CTDSPL: variants seen among roughly 807,000 people sequenced by gnomAD.
The protein encoded by CTDSPL is CTD small phosphatase-like protein.
In CTDSPL, 8 loss-of-function variants were observed where a neutral mutation model predicts 30.5. That is an observed-to-expected ratio of 0.26 (90% CI 0.15 to 0.47). CTDSPL has a LOEUF of 0.47. Ranked by LOEUF, CTDSPL falls within the 20% of genes least tolerant of loss-of-function variation. The pLI, the probability that CTDSPL is intolerant of heterozygous loss-of-function variation, is 0.99. For missense variants in CTDSPL, 248 were observed against 366.1 expected (o/e 0.68, Z 2.63); for synonymous variants, 110 against 137.9 (o/e 0.80, Z 1.42).
In CTDSPL at chr3:37,945,358, C is replaced by T; in HGVS notation, c.80-1699C>T. On this transcript the variant is annotated intron_variant, in intron 1 of 7. Coordinates refer to ENST00000273179, the MANE Select transcript of CTDSPL (RefSeq NM_001008392.2). ...GAAATCACACACTTTGGAAACAGGC[C>T]CACTTGGGTTTGAATCTGGCAAAGG... Among the ~76,000 whole-genome samples the T allele has an allele frequency of 1.3e-5, 2 of 151,284 alleles. 1 individual carries two copies. The highest frequency in any genetic ancestry group is 3.0e-5 in the Non-Finnish European group (2 of 67,558).
chr3:37,867,357 G>A (rs1213994411), intron 1 of CTDSPL, among the ~76,000 whole-genome samples: 2 of 151,820 alleles, frequency 1.3e-5, no homozygotes, highest in African/African-American at 2.4e-5. Context: ...AACCATTCAC[G>A]CTTTGAATGA....
rs1273279207 is a variant in CTDSPL, at chr3:37,862,817, G to A, written c.79+539G>A. Among the ~76,000 whole-genome samples the A allele has an allele frequency of 6.6e-6, 1 of 152,184 alleles. No homozygotes were observed. The highest frequency in any genetic ancestry group is 2.4e-5 in the African/African-American group (1 of 41,432). On this transcript the variant is annotated intron_variant, in intron 1 of 7. Coordinates refer to ENST00000273179, the MANE Select transcript of CTDSPL (RefSeq NM_001008392.2). The surrounding 1 kb of genome is among the most constrained non-coding windows in gnomAD (Gnocchi z 4.3). ...AATGTGTGTGCGTGAGCATGAGCCTGGAGAGGTTCTATGCCTGTTCACTCC... is the reference window on the plus strand; with the variant it reads ...AATGTGTGTGCGTGAGCATGAGCCTAGAGAGGTTCTATGCCTGTTCACTCC...
intron 2 of CTDSPL, among the ~76,000 whole-genome samples, chr3:37,953,757 G>T (rs1190030900): frequency 6.6e-6 from 1 of 152,152 alleles, no homozygotes; most frequent in Non-Finnish European, 1.5e-5. Flanking sequence ...CAACAATGCT[G>T]CCAAAGAAGA....
intron 1 of CTDSPL, among the ~76,000 whole-genome samples, chr3:37,943,076 T>G (rs923141621): frequency 2.0e-5 from 3 of 150,118 alleles, no homozygotes; most frequent in Non-Finnish European, 4.5e-5. Flanking sequence ...AAAGGACAGA[T>G]GTCTAGCTTA....
intron 2 of CTDSPL, 109 bp downstream of exon 2, chr3:37,947,320 C>A (rs1699051310): frequency 7.7e-7 from 1 of 1,306,168 alleles, no homozygotes; most frequent in Non-Finnish European, 1.0e-6. Context: ...GGCGTGGTGG[C>A]TCACGTCTGT....
Position 37,938,129 on chromosome 3 carries a change from T to C in CTDSPL, c.80-8928T>C, listed in dbSNP as rs183827349. 7.3e-5 allele frequency among the ~76,000 whole-genome samples: 11 copies of C among 150,392 alleles called. 1 individual carries two copies. In the Admixed American group the frequency reaches 7.3e-4, roughly 10 times the overall value. The stretch of plus-strand genomic sequence containing the variant: ...ACCTACATTCCAGCTACTCTGATCT[T>C]GTCCTGAACTCCTTTGATTGTGTAG... On this transcript the variant is annotated intron_variant, in intron 1 of 7. Coordinates refer to ENST00000273179, the MANE Select transcript of CTDSPL (RefSeq NM_001008392.2).
intron 1 of CTDSPL, among the ~76,000 whole-genome samples, chr3:37,863,182 G>A (rs1389724915): frequency 6.6e-6 from 1 of 152,218 alleles, no homozygotes; most frequent in Admixed American, 6.5e-5. Context: ...ACAAGGCCTG[G>A]CCCTTCCAGG....
Position 37,975,760 on chromosome 3 carries a change from C to T in CTDSPL, c.571C>T (p.Arg191Trp). Reference protein sequence around the residue: ...LLDRWGVFRARLFRESCVFHR... With the variant: ...LLDRWGVFRAWLFRESCVFHR... Reference sequence around the variant, plus strand: ...AGACCGCTGGGGTGTGTTCCGGGCCCGGCTCTTCAGAGAATCATGTGTTTT... The same window carrying T: ...AGACCGCTGGGGTGTGTTCCGGGCCTGGCTCTTCAGAGAATCATGTGTTTT... The change falls in exon 7 of 8, where the codon CGG becomes TGG. Residue 191 changes from arginine (R) to tryptophan (W), a missense_variant. This residue lies in a region of CTDSPL where 84 missense variants were observed against 139.4 expected (regional missense o/e 0.60). Coordinates refer to ENST00000273179, the MANE Select transcript of CTDSPL (RefSeq NM_001008392.2). The surrounding 1 kb of genome is among the most constrained non-coding windows in gnomAD (Gnocchi z 4.9). 1.2e-6 allele frequency: 2 copies of T among 1,614,054 alleles called. No individual in the cohort carries two copies. Among genetic ancestry groups the T allele is most frequent in the Non-Finnish European group, 1.7e-6 (2 of 1,180,014 alleles).
intron 1 of CTDSPL, among the ~76,000 whole-genome samples, chr3:37,873,353 A>T (rs1250680800): frequency 6.6e-6 from 1 of 152,112 alleles, no homozygotes; most frequent in African/African-American, 2.4e-5. Flanking sequence ...GGTTACAGAG[A>T]GTAGGCTTTT....
intron 2 of CTDSPL, among the ~76,000 whole-genome samples, chr3:37,953,387 A>C (rs1459311877): frequency 1.3e-5 from 2 of 152,214 alleles, no homozygotes; most frequent in Non-Finnish European, 2.9e-5. Flanking sequence ...AACATGCCTT[A>C]TTTCAACTTA....
chr3:37,947,573 CA>C (rs984779858), intron 2 of CTDSPL, among the ~76,000 whole-genome samples: 3 of 151,958 alleles, frequency 2.0e-5, no homozygotes, highest in African/African-American at 7.2e-5. Flanking sequence ...AAACAAAAAA[CA>C]AAAAGAAAAG....
intron 1 of CTDSPL, among the ~76,000 whole-genome samples, chr3:37,866,519 A>C (rs1004405992): frequency 8.5e-5 from 13 of 152,186 alleles, no homozygotes; most frequent in Non-Finnish European, 2.9e-5. Flanking sequence ...TTTTTAACTA[A>C]AAAAAGAAAT....
chr3:37,919,409 G>A (rs544176772), intron 1 of CTDSPL, among the ~76,000 whole-genome samples: 3 of 152,084 alleles, frequency 2.0e-5, no homozygotes, highest in Non-Finnish European at 4.4e-5. Flanking sequence ...TTGGAATTTT[G>A]CCTCAAGTTG....
At chr3:37,920,008 A>G (rs1399074483) in intron 1 of CTDSPL, among the ~76,000 whole-genome samples, 1 of 152,170 alleles carries the variant, frequency 6.6e-6, no homozygotes, top group Non-Finnish European at 1.5e-5. Flanking sequence ...TATATGCTAT[A>G]AAAAACCACC....
At chr3:37,911,649 C>G (rs1356665289) in intron 1 of CTDSPL, 1 of 455,570 alleles carries the variant, frequency 2.2e-6, no homozygotes, top group East Asian at 7.0e-5. Flanking sequence ...TCTGGTTGAA[C>G]GTTTTAGTGG....
rs1201261949 is a variant in CTDSPL at position 37,960,529 on chromosome 3, TATATATAC to T, written c.267+3388_267+3395del. On this transcript the variant is annotated intron_variant, in intron 3 of 7. Coordinates refer to ENST00000273179, the MANE Select transcript of CTDSPL (RefSeq NM_001008392.2). ...AAATATATATATATATATATATATA[TATATATAC>T]ACACACACACACACACACACACACA... is the stretch of plus-strand genomic sequence containing the variant. Among the ~76,000 whole-genome samples the T allele has an allele frequency of 3.1e-3, 183 of 59,740 alleles. 1 individual carries two copies. The highest frequency in any genetic ancestry group is 0.011 in the African/African-American group (145 of 12,914). 39.2% of individuals were successfully genotyped at this position (59,740 alleles called of 152,430 possible).
At chr3:37,923,748 T>C (rs1698747253) in intron 1 of CTDSPL, among the ~76,000 whole-genome samples, 1 of 152,016 alleles carries the variant, frequency 6.6e-6, no homozygotes, top group African/African-American at 2.4e-5. Context: ...TGATTAACTG[T>C]CAGTTGATAC....
intron 1 of CTDSPL, among the ~76,000 whole-genome samples, chr3:37,939,582 C>T (rs1698954664): frequency 6.7e-6 from 1 of 150,084 alleles, no homozygotes; most frequent in African/African-American, 2.4e-5. Flanking sequence ...CAAATCTGAT[C>T]CCGTCACTCC....
intron 1 of CTDSPL, among the ~76,000 whole-genome samples, chr3:37,865,674 C>G (rs1698000498): frequency 6.6e-6 from 1 of 152,194 alleles, no homozygotes; most frequent in Non-Finnish European, 1.5e-5. Flanking sequence ...CCAGGGCCAA[C>G]ATCATAGTGA....
Sources: allele counts gnomAD v4.1 joint callset (sites outside exome capture counted in the v4.1 genomes callset), GRCh38; gene constraint gnomAD v4.1.1; regional missense constraint gnomAD v4.1.1; non-coding constraint Gnocchi (gnomAD v3.1); transcripts MANE v1.5; gene names NCBI Gene and HGNC (gene_info 2026-07-23, HGNC 2026-07-21).